Variants in NEGR1 observed in about 807,000 individuals in gnomAD.
NEGR1 encodes the protein neuronal growth regulator 1, also known as IgLON family member 4.
NEGR1 carries 10 observed loss-of-function variants against 40.9 expected under a neutral mutation model. The observed-to-expected ratio is 0.24, with a 90% CI of 0.15 to 0.42. The LOEUF is 0.42. Ranked by LOEUF, NEGR1 falls within the 10% of genes least tolerant of loss-of-function variation. NEGR1 has a pLI of 1.00. For synonymous variants in NEGR1, 185 were observed against 166.8 expected, an observed-to-expected ratio of 1.11 and a Z score of -0.84; for missense variants, 352 against 438.9, an observed-to-expected ratio of 0.80 and a Z score of 1.77.
At chr1:71,493,544 C>T (rs1038840666) in intron 6 of NEGR1, among the ~76,000 whole-genome samples, 1 of 152,044 alleles carries the variant, frequency 6.6e-6, no homozygotes, top group Non-Finnish European at 1.5e-5. Flanking sequence ...CTTTTTAAGT[C>T]TTATGTTTTA....
chr1:71,618,660 A>G (rs1463003592), intron 4 of NEGR1, among the ~76,000 whole-genome samples: 1 of 152,088 alleles, frequency 6.6e-6, no homozygotes, highest in Non-Finnish European at 1.5e-5. Flanking sequence ...GTTACAATAT[A>G]ATAATAATAG....
intron 1 of NEGR1, among the ~76,000 whole-genome samples, chr1:72,252,750 C>T (rs1161705961): frequency 6.6e-6 from 1 of 152,030 alleles, no homozygotes; most frequent in Non-Finnish European, 1.5e-5. Flanking sequence ...TCATTAGGAC[C>T]CATGTCCATT....
chr1:71,991,416 C>T (rs549802623), intron 1 of NEGR1, among the ~76,000 whole-genome samples: 9 of 152,256 alleles, frequency 5.9e-5, no homozygotes, highest in African/African-American at 1.4e-4. Flanking sequence ...CTATTGTTTA[C>T]GCTATAGAAA....
At position 72,208,252 on chromosome 1, in the gene NEGR1, A is replaced by G. The variant is rs550024609; in HGVS notation, c.176+74067T>C. Among the ~76,000 whole-genome samples the G allele has an allele frequency of 3.7e-4, 56 of 151,866 alleles. No homozygotes were observed. The South Asian group carries it at 0.012, about 31-fold the overall frequency. The stretch of plus-strand genomic sequence containing the variant: ...TGGAAAACTATGAAACAGTGATATA[A>G]ATTTCAAAAATCAGTTTATGCAATT... On this transcript the variant is annotated intron_variant, in intron 1 of 6. Transcript: ENST00000357731.
chr1:72,225,402 T>C (rs942992272), intron 1 of NEGR1, among the ~76,000 whole-genome samples: 5 of 151,826 alleles, frequency 3.3e-5, no homozygotes. Context: ...AACTTTTATT[T>C]TCTTTAAATA....
At chr1:71,965,967 A>T (rs1430494995) in intron 1 of NEGR1, among the ~76,000 whole-genome samples, 1 of 152,196 alleles carries the variant, frequency 6.6e-6, no homozygotes, top group Non-Finnish European at 1.5e-5. Flanking sequence ...AGTGGCCTAA[A>T]TAGGAAAAAT....
intron 4 of NEGR1, among the ~76,000 whole-genome samples, chr1:71,692,300 A>C (rs1403184199): frequency 4.6e-5 from 7 of 151,842 alleles, no homozygotes; most frequent in South Asian, 2.1e-4. Flanking sequence ...TTAAAAAAAA[A>C]CATAAAATAC....
chr1:71,981,643 A>G (rs1044736060), intron 1 of NEGR1, among the ~76,000 whole-genome samples: 1 of 152,144 alleles, frequency 6.6e-6, no homozygotes, highest in Non-Finnish European at 1.5e-5. Flanking sequence ...GATAGGCTTT[A>G]CAAGGTTTAG....
intron 4 of NEGR1, among the ~76,000 whole-genome samples, chr1:71,652,573 C>G (rs551919052): frequency 1.3e-5 from 2 of 152,166 alleles, no homozygotes; most frequent in Non-Finnish European, 2.9e-5. Flanking sequence ...ACTATTTTGC[C>G]CATTATAGAA....
chr1:71,827,281 G>T (rs1658662975), intron 2 of NEGR1, among the ~76,000 whole-genome samples: 1 of 151,654 alleles, frequency 6.6e-6, no homozygotes, highest in Admixed American at 6.6e-5. Flanking sequence ...CCAAGAGATA[G>T]AAACAATCTC....
chr1:72,281,013 G>C (rs918334000), intron 1 of NEGR1, among the ~76,000 whole-genome samples: 1 of 152,142 alleles, frequency 6.6e-6, no homozygotes, highest in African/African-American at 2.4e-5. Flanking sequence ...AAGCTTTGCT[G>C]ATCATCCATT....
At chr1:71,971,240 G>C (rs915534361) in intron 1 of NEGR1, among the ~76,000 whole-genome samples, 2 of 152,168 alleles carry the variant, frequency 1.3e-5, no homozygotes, top group African/African-American at 4.8e-5. Flanking sequence ...ACTGATTTCT[G>C]ATTTCTAGTC....
At chr1:72,027,259 C>A (rs1646818692) in intron 1 of NEGR1, among the ~76,000 whole-genome samples, 1 of 152,084 alleles carries the variant, frequency 6.6e-6, no homozygotes, top group South Asian at 2.1e-4. Flanking sequence ...ATTTCATGTT[C>A]TTTTCATGGG....
At chr1:71,618,633 T>G (rs1650517333) in intron 4 of NEGR1, among the ~76,000 whole-genome samples, 1 of 152,114 alleles carries the variant, frequency 6.6e-6, no homozygotes, top group Non-Finnish European at 1.5e-5. Flanking sequence ...GCGAGTTGTA[T>G]AAGTATTTCA....
At chr1:72,239,280 T>C (rs891622627) in intron 1 of NEGR1, among the ~76,000 whole-genome samples, 4 of 151,742 alleles carry the variant, frequency 2.6e-5, no homozygotes, top group Admixed American at 2.0e-4. Context: ...AAACTGCAAA[T>C]AAAGGCAATC....
intron 2 of NEGR1, among the ~76,000 whole-genome samples, chr1:71,898,145 T>C (rs1361004431): frequency 6.6e-6 from 1 of 152,214 alleles, no homozygotes; most frequent in African/African-American, 2.4e-5. Context: ...TGGCTAAAAG[T>C]ATTCAATGAC....
At chr1:72,056,387 A>T (rs1397733114) in intron 1 of NEGR1, among the ~76,000 whole-genome samples, 2 of 151,422 alleles carry the variant, frequency 1.3e-5, no homozygotes, top group African/African-American at 2.4e-5. Flanking sequence ...ATGATCGCAT[A>T]GAGAATCAAA....
intron 6 of NEGR1, among the ~76,000 whole-genome samples, chr1:71,411,359 A>C (rs1260374208): frequency 6.6e-6 from 1 of 152,104 alleles, no homozygotes; most frequent in Non-Finnish European, 1.5e-5. Flanking sequence ...CATGTACTGA[A>C]CTTTATAACA....
intron 1 of NEGR1, among the ~76,000 whole-genome samples, chr1:72,280,108 A>G (rs543570844): frequency 6.0e-4 from 91 of 152,322 alleles, no homozygotes; most frequent in African/African-American, 2.2e-3. Context: ...AATGCGGGAT[A>G]TAGCATCAAA....
Sources: gnomAD v4.1 joint callset for allele counts (sites outside exome capture counted in the v4.1 genomes callset) on GRCh38, gnomAD v4.1.1 for gene constraint, MANE v1.5 for transcripts, NCBI Gene and HGNC (gene_info 2026-07-23, HGNC 2026-07-21) for gene names.